Variants in IL12RB2 observed in about 807,000 individuals in gnomAD.
IL12RB2 encodes interleukin-12 receptor subunit beta-2.
In IL12RB2, 82 loss-of-function variants were observed where a neutral mutation model predicts 89.4. The observed-to-expected ratio is 0.92, with a 90% confidence interval of 0.77 to 1.10. The LOEUF (loss-of-function observed/expected upper bound fraction) is 1.10, where lower values mean the gene tolerates loss of function less well. Ranked by LOEUF, IL12RB2 falls within the 50% of genes least tolerant of loss-of-function variation. The pLI, the probability that IL12RB2 is intolerant of heterozygous loss-of-function variation, is 0.00. For missense variants in IL12RB2, 963 were observed against 1,031.9 expected, an observed-to-expected ratio of 0.93 and a Z score of 0.92; for synonymous variants, 368 against 370.1, an observed-to-expected ratio of 0.99 and a Z score of 0.07.
intron 10 of IL12RB2, among the ~76,000 whole-genome samples, chr1:67,364,208 T>C (rs574340653): frequency 2.6e-5 from 4 of 152,190 alleles, no homozygotes; most frequent in Non-Finnish European, 5.9e-5. Context: ...CTGGCTAACG[T>C]AGTGAAACTC....
At chr1:67,334,021 G>C (rs1303716253) in intron 8 of IL12RB2, among the ~76,000 whole-genome samples, 1 of 152,138 alleles carries the variant, frequency 6.6e-6, no homozygotes, top group Non-Finnish European at 1.5e-5. Context: ...ACTTTGGAGG[G>C]GCAGAGTGGT....
intron 9 of IL12RB2, among the ~76,000 whole-genome samples, chr1:67,340,512 GA>G (rs1659408052): frequency 6.6e-6 from 1 of 152,218 alleles, no homozygotes; most frequent in African/African-American, 2.4e-5. Context: ...TCTCTCAGTA[GA>G]ATGAGGGTAA....
intron 9 of IL12RB2, among the ~76,000 whole-genome samples, chr1:67,346,550 C>T (rs975783736): frequency 2.0e-5 from 3 of 152,036 alleles, no homozygotes; most frequent in Non-Finnish European, 4.4e-5. Context: ...TTATGCCCAG[C>T]TAATTTTTGT....
At chr1:67,361,051 T>G (rs1661988072) in intron 10 of IL12RB2, among the ~76,000 whole-genome samples, 1 of 151,924 alleles carries the variant, frequency 6.6e-6, no homozygotes, top group Admixed American at 6.6e-5. Flanking sequence ...CCTATCCCAC[T>G]TAAGAGGGGA....
At chr1:67,336,428 T>TA (rs1658769810) in intron 8 of IL12RB2, among the ~76,000 whole-genome samples, 3 of 152,170 alleles carry the variant, frequency 2.0e-5, no homozygotes, top group Non-Finnish European at 4.4e-5. Context: ...CTTTTTTTCT[T>TA]TTTGCATCTA....
chr1:67,343,482 A>G (rs1659883537), intron 9 of IL12RB2, among the ~76,000 whole-genome samples: 1 of 152,252 alleles, frequency 6.6e-6, no homozygotes, highest in African/African-American at 2.4e-5. Context: ...TGTTAAAACC[A>G]CAAATGCAAT....
In IL12RB2 at chr1:67,367,957, G is replaced by T; in HGVS notation, c.1391G>T (p.Gly464Val). 1.2e-6 allele frequency: 2 copies of T among 1,610,404 alleles called. No homozygotes were observed. Among genetic ancestry groups the T allele is most frequent in the Non-Finnish European group, 1.7e-6 (2 of 1,176,666 alleles). ...GTGGAATGGAGAGAGCTCCATCCAG[G>T]GGGTGACACACAGGTCCCTCTAAAC... ...YVVEWRELHP[G>V]GDTQVPLNWL... The change falls in exon 11 of 17, where the codon GGG becomes GTG. Residue 464 changes from glycine to valine, a missense_variant. Gly to Val is a moderately radical substitution (Grantham distance 109). Coordinates refer to ENST00000674203, the MANE Select transcript of IL12RB2 (RefSeq NM_001374259.2).
intron 15 of IL12RB2, among the ~76,000 whole-genome samples, chr1:67,388,136 C>G (rs950497830): frequency 1.1e-4 from 16 of 152,166 alleles, no homozygotes; most frequent in Non-Finnish European, 1.5e-5. Context: ...GATTGCGCCA[C>G]TGCACTCCAG....
intron 9 of IL12RB2, among the ~76,000 whole-genome samples, chr1:67,341,577 A>AAG (rs1278647849): frequency 6.8e-6 from 1 of 146,560 alleles, no homozygotes; most frequent in Non-Finnish European, 1.5e-5. Flanking sequence ...GAAAGAAAGA[A>AAG]AGAAAGAAAA....
intron 14 of IL12RB2, among the ~76,000 whole-genome samples, chr1:67,384,142 T>C (rs1429287966): frequency 6.6e-6 from 1 of 152,182 alleles, no homozygotes; most frequent in Non-Finnish European, 1.5e-5. Flanking sequence ...TCTTCCACAC[T>C]GCTCTAGCAG....
chr1:67,360,840 C>A (rs1049104072), intron 10 of IL12RB2, among the ~76,000 whole-genome samples: 2 of 151,928 alleles, frequency 1.3e-5, no homozygotes, highest in Non-Finnish European at 2.9e-5. Flanking sequence ...CTTAACAAGG[C>A]CTGCCCTCCA....
chr1:67,328,411 G>A (rs907883665), intron 6 of IL12RB2, 27 bp downstream of exon 6: 2 of 1,613,090 alleles, frequency 1.2e-6, no homozygotes, highest in South Asian at 1.1e-5. Context: ...TGTTTCATTG[G>A]TACTTTATAA....
At chr1:67,384,912 C>T (rs1664979952) in intron 14 of IL12RB2, among the ~76,000 whole-genome samples, 1 of 152,222 alleles carries the variant, frequency 6.6e-6, no homozygotes, top group Non-Finnish European at 1.5e-5. Context: ...CGACAAGTCT[C>T]TAGGAAGTTC....
intron 8 of IL12RB2, among the ~76,000 whole-genome samples, chr1:67,331,319 G>A (rs1658046422): frequency 2.6e-5 from 4 of 152,094 alleles, no homozygotes. Context: ...TCAAGCCTTT[G>A]ATATTTACTG....
chr1:67,392,912 C>T (rs574465952), intron 16 of IL12RB2, among the ~76,000 whole-genome samples: 11 of 152,292 alleles, frequency 7.2e-5, no homozygotes, highest in African/African-American at 2.6e-4. Flanking sequence ...GCATGAGCCA[C>T]CACACCTGGC....
At chr1:67,326,927 A>ATT (rs1657378613) in intron 5 of IL12RB2, 78 bp downstream of exon 5, 1 of 1,036,668 alleles carries the variant, frequency 9.6e-7, no homozygotes, top group Non-Finnish European at 1.2e-6. Context: ...TGTTTTCTTT[A>ATT]TTTATTTTTA....
At chr1:67,331,411 T>C (rs1442448894) in intron 8 of IL12RB2, among the ~76,000 whole-genome samples, 1 of 152,242 alleles carries the variant, frequency 6.6e-6, no homozygotes, top group African/African-American at 2.4e-5. Context: ...TTTTCTTTTT[T>C]AGTAATTATT....
intron 11 of IL12RB2, among the ~76,000 whole-genome samples, chr1:67,371,311 G>A (rs1343276107): frequency 6.6e-6 from 1 of 151,968 alleles, no homozygotes; most frequent in Admixed American, 6.6e-5. Context: ...GCACAACTGA[G>A]TTTTATGTGC....
intron 10 of IL12RB2, among the ~76,000 whole-genome samples, chr1:67,353,401 A>T (rs1569990842): frequency 7.5e-6 from 1 of 133,784 alleles, no homozygotes; most frequent in Admixed American, 7.7e-5. Flanking sequence ...AAAAAGATAC[A>T]AAAAAAAATA....
Sources: gnomAD v4.1 joint callset for allele counts (sites outside exome capture counted in the v4.1 genomes callset) on GRCh38, gnomAD v4.1.1 for gene constraint, MANE v1.5 for transcripts, NCBI Gene and HGNC (gene_info 2026-07-23, HGNC 2026-07-21) for gene names.